Variants in SLC26A8 observed in about 807,000 individuals in gnomAD.
The protein encoded by SLC26A8 is solute carrier family 26 member 8.
SLC26A8 carries 70 observed loss-of-function variants against 105.0 expected under a neutral mutation model. The observed-to-expected ratio is 0.67, with a 90% confidence interval of 0.55 to 0.81. SLC26A8 has a LOEUF of 0.81. Ranked by LOEUF, SLC26A8 falls within the 40% of genes least tolerant of loss-of-function variation. The probability of loss-of-function intolerance (pLI) is 0.00; values close to 1 mark genes in which losing one functional copy is unlikely to be tolerated. For missense variants in SLC26A8, 998 were observed against 1,181.8 expected (o/e 0.84, Z 2.28); for synonymous variants, 415 against 438.3 (o/e 0.95, Z 0.66).
intron 16 of SLC26A8, among the ~76,000 whole-genome samples, chr6:35,956,312 C>T (rs1450235885): frequency 1.3e-5 from 2 of 151,390 alleles, no homozygotes; most frequent in Non-Finnish European, 2.9e-5. Flanking sequence ...CCTATTGTCC[C>T]AGGTACTCAG....
At chr6:35,983,556 T>C (rs1047478887) in intron 7 of SLC26A8, among the ~76,000 whole-genome samples, 6 of 147,562 alleles carry the variant, frequency 4.1e-5, no homozygotes, top group African/African-American at 7.4e-5. Flanking sequence ...TTTGCTCTCT[T>C]TTTTTTTTTT....
intron 3 of SLC26A8, among the ~76,000 whole-genome samples, chr6:36,003,853 G>A (rs936955661): frequency 3.5e-4 from 53 of 151,690 alleles, no homozygotes; most frequent in African/African-American, 1.3e-3. Context: ...AGTAGAGATG[G>A]GGTTTCACCA....
intron 17 of SLC26A8, among the ~76,000 whole-genome samples, chr6:35,953,627 A>G (rs1771953372): frequency 6.6e-6 from 1 of 152,220 alleles, no homozygotes; most frequent in African/African-American, 2.4e-5. Flanking sequence ...AAAAGCCCAA[A>G]TAACAACAGA....
chr6:35,945,262 A>G (rs1771621599), intron 19 of SLC26A8, among the ~76,000 whole-genome samples: 1 of 152,150 alleles, frequency 6.6e-6, no homozygotes, highest in Non-Finnish European at 1.5e-5. Context: ...GTTACTCACT[A>G]TTCTTCAGAC....
intron 11 of SLC26A8, among the ~76,000 whole-genome samples, chr6:35,963,030 C>T (rs879259687): frequency 6.6e-6 from 1 of 152,284 alleles, no homozygotes; most frequent in Middle Eastern, 3.4e-3. Flanking sequence ...AAGGTCAGGC[C>T]AACGTCAAGG....
intron 16 of SLC26A8, among the ~76,000 whole-genome samples, chr6:35,959,221 A>G (rs1772212142): frequency 6.6e-6 from 1 of 152,198 alleles, no homozygotes; most frequent in African/African-American, 2.4e-5. Flanking sequence ...AGTAGAAGTC[A>G]GAACACTTCC....
chr6:35,956,300 C>T (rs772117056), intron 16 of SLC26A8, among the ~76,000 whole-genome samples: 15 of 151,348 alleles, frequency 9.9e-5, no homozygotes, highest in South Asian at 2.1e-4. Flanking sequence ...AGCTGGCACA[C>T]GCCTATTGTC....
rs534193590 is a variant in SLC26A8 at position 35,965,074 on chromosome 6, G to A, written c.1366-2453C>T. Among the ~76,000 whole-genome samples, 8 of 151,842 alleles carry A rather than the reference G, an allele frequency of 5.3e-5. No individual in the cohort carries two copies. In the East Asian group the frequency reaches 1.5e-3, roughly 29 times the overall value. On this transcript the variant is annotated intron_variant, in intron 11 of 19. Transcript: ENST00000490799. ...AAAATGTCAAATGTTATAGAATGAA[G>A]TTTCATGCTATATATTAAATAACAA...
intron 10 of SLC26A8, among the ~76,000 whole-genome samples, chr6:35,974,434 G>A (rs1339213339): frequency 6.6e-6 from 1 of 152,182 alleles, no homozygotes; most frequent in Non-Finnish European, 1.5e-5. Context: ...CTCTATGTAT[G>A]CTTAACACAT....
At chr6:35,999,381 AAC>A (rs1389485008) in intron 4 of SLC26A8, among the ~76,000 whole-genome samples, 4 of 152,114 alleles carry the variant, frequency 2.6e-5, no homozygotes, top group Non-Finnish European at 5.9e-5. Context: ...TGACCTTCTA[AAC>A]TTATGGGGGA....
chr6:36,019,562 A>G lies in SLC26A8; in HGVS notation c.146T>C (p.Met49Thr). The part of the protein sequence containing the change: ...HKRKASSSGN[M>T]NINITTFRHH... ...TCTGAAGGTGGTGATGTTGATGTTC[A>G]TGTTCCCAGAAGAGGAGGCCTTCCT... The change falls in exon 2 of 20, where the codon ATG becomes ACG. Residue 49 changes from methionine (M) to threonine (T), a missense_variant. Physicochemically the swap from Met to Thr is moderately conservative, Grantham distance 81. Coordinates refer to ENST00000490799, the MANE Select transcript of SLC26A8 (RefSeq NM_052961.4). The G allele has an allele frequency of 2.5e-6, 4 of 1,614,036 alleles. No homozygotes were observed. The highest frequency in any genetic ancestry group is 2.5e-6 in the Non-Finnish European group (3 of 1,179,990).
rs377630259 is a variant in SLC26A8 at position 35,986,261 on chromosome 6, T to C, written c.943-4058A>G. On this transcript the variant is annotated intron_variant, in intron 7 of 19. Transcript: ENST00000490799. ...GTTGGCCAGGCTGGTATCGAACTCC[T>C]GACCTCAGGTGATCCACGCGCCTCG... 3.0e-4 allele frequency among the ~76,000 whole-genome samples: 45 copies of C among 152,280 alleles called. No individual in the cohort carries two copies. In the East Asian group the frequency reaches 3.9e-3, roughly 13 times the overall value.
chr6:35,944,470 A>G, intron 19 of SLC26A8, 130 bp from the exon 20 acceptor site: 5 of 564,190 alleles, frequency 8.9e-6, no homozygotes, highest in Admixed American at 3.1e-5. Context: ...CAGGAGTTCA[A>G]GGCCAGCCTG....
intron 19 of SLC26A8, among the ~76,000 whole-genome samples, chr6:35,945,918 C>T (rs889012711): frequency 1.3e-5 from 2 of 152,126 alleles, no homozygotes; most frequent in African/African-American, 4.8e-5. Flanking sequence ...ATTTTCTTCT[C>T]GACCACCATA....
At chr6:36,021,873 G>A (rs1365531809) in intron 1 of SLC26A8, among the ~76,000 whole-genome samples, 1 of 151,770 alleles carries the variant, frequency 6.6e-6, no homozygotes, top group Non-Finnish European at 1.5e-5. Context: ...GTTTCACGGT[G>A]TTAGCCAGGA....
At chr6:35,952,660 A>G (rs1771919072) in intron 17 of SLC26A8, among the ~76,000 whole-genome samples, 1 of 152,160 alleles carries the variant, frequency 6.6e-6, no homozygotes, top group Admixed American at 6.5e-5. Flanking sequence ...CAAGTGCTGG[A>G]AAAGGAAAGT....
At chr6:35,953,172 C>A (rs1328216685) in intron 17 of SLC26A8, among the ~76,000 whole-genome samples, 1 of 151,940 alleles carries the variant, frequency 6.6e-6, no homozygotes, top group Non-Finnish European at 1.5e-5. Flanking sequence ...AAAAGTACAC[C>A]ATGAATCTCT....
intron 14 of SLC26A8, 22 bp downstream of exon 14, chr6:35,960,821 T>A: frequency 1.9e-6 from 3 of 1,612,434 alleles, no homozygotes; most frequent in Non-Finnish European, 8.5e-7. Context: ...GGCAGAGAAA[T>A]GGGACCCATT....
In SLC26A8 at chr6:35,944,287, A is replaced by G. The variant is rs1435472547; in HGVS notation, c.2526T>C (p.Asn842=). 1 of 1,613,632 alleles carries G rather than the reference A, an allele frequency of 6.2e-7. No homozygotes were observed. Among genetic ancestry groups the G allele is most frequent in the Non-Finnish European group, 8.5e-7 (1 of 1,179,898 alleles). Residue 842 remains asparagine, a synonymous_variant, in exon 20 of 20, where the codon AAT becomes AAC. Coordinates refer to ENST00000490799, the MANE Select transcript of SLC26A8 (RefSeq NM_052961.4). ...MSSSFLGSQK[N]VSPGFIKIQQ... The stretch of plus-strand genomic sequence containing the variant: ...GGATCTTGATGAAGCCTGGACTTAC[A>G]TTTTTTTGGCTTCCTAGAAAACTGC...
Sources: gnomAD v4.1 joint callset for allele counts (sites outside exome capture counted in the v4.1 genomes callset) on GRCh38, gnomAD v4.1.1 for gene constraint, MANE v1.5 for transcripts, NCBI Gene and HGNC (gene_info 2026-07-23, HGNC 2026-07-21) for gene names.